MGMT: variants seen among roughly 807,000 people sequenced by gnomAD.
MGMT encodes the protein methylated-DNA--protein-cysteine methyltransferase.
Under a neutral mutation model 15.9 loss-of-function variants are expected in MGMT, and 14 were observed. The observed-to-expected ratio is 0.88, with a 90% CI of 0.58 to 1.37. The LOEUF (loss-of-function observed/expected upper bound fraction) is 1.37, where lower values mean the gene tolerates loss of function less well. MGMT is among the 40% of genes most tolerant of loss of function. The pLI, the probability that MGMT is intolerant of heterozygous loss-of-function variation, is 0.00. For synonymous variants in MGMT, 130 were observed against 118.2 expected, an observed-to-expected ratio of 1.10 and a Z score of -0.65; for missense variants, 282 against 268.1, an observed-to-expected ratio of 1.05 and a Z score of -0.36.
At chr10:129,527,443 G>A (rs796370760) in intron 1 of MGMT, among the ~76,000 whole-genome samples, 7 of 152,314 alleles carry the variant, frequency 4.6e-5, no homozygotes, top group African/African-American at 7.2e-5. Flanking sequence ...ATGGTACGCC[G>A]AGGGCCTCTC....
At chr10:129,471,878 A>G (rs549271443) in intron 1 of MGMT, among the ~76,000 whole-genome samples, 21 of 152,224 alleles carry the variant, frequency 1.4e-4, no homozygotes, top group Non-Finnish European at 2.5e-4. Context: ...TTTTCTGTGC[A>G]TATGGGTCTG....
intron 2 of MGMT, among the ~76,000 whole-genome samples, chr10:129,706,040 G>A (rs1419036844): frequency 6.6e-6 from 1 of 152,216 alleles, no homozygotes; most frequent in Non-Finnish European, 1.5e-5. Flanking sequence ...CTGCAGCCCT[G>A]CGTCAGGGCA....
intron 2 of MGMT, among the ~76,000 whole-genome samples, chr10:129,610,381 G>A (rs1034766464): frequency 5.9e-5 from 9 of 152,134 alleles, no homozygotes; most frequent in African/African-American, 2.2e-4. Flanking sequence ...CTGTGCTCCA[G>A]CCATGCTGCC....
At chr10:129,546,921 G>A (rs1206971951) in intron 2 of MGMT, among the ~76,000 whole-genome samples, 1 of 152,212 alleles carries the variant, frequency 6.6e-6, no homozygotes, top group Non-Finnish European at 1.5e-5. Context: ...CAAATAGAAC[G>A]TGGGGGTGGC....
chr10:129,524,065 A>C (rs959311609), intron 1 of MGMT, among the ~76,000 whole-genome samples: 2 of 152,206 alleles, frequency 1.3e-5, no homozygotes, highest in Admixed American at 6.5e-5. Context: ...ACTGGTACCT[A>C]CTGTGTCCTG....
intron 1 of MGMT, among the ~76,000 whole-genome samples, chr10:129,474,720 C>T (rs1271142885): frequency 6.6e-6 from 1 of 152,184 alleles, no homozygotes; most frequent in Admixed American, 6.5e-5. Flanking sequence ...ACCAAACCGT[C>T]AGGTGTTAGA....
chr10:129,559,086 G>A (rs502785), intron 2 of MGMT, among the ~76,000 whole-genome samples: 9 of 152,108 alleles, frequency 5.9e-5, no homozygotes, highest in African/African-American at 1.2e-4. Context: ...CTGTTTCTGC[G>A]TCGGAACGTG....
In MGMT at chr10:129,523,567, G is replaced by A. The variant is rs559485476; in HGVS notation, c.-12-12674G>A. Among the ~76,000 whole-genome samples the A allele has an allele frequency of 3.9e-5, 6 of 152,292 alleles. No homozygotes were observed. In the East Asian group the frequency reaches 5.8e-4, roughly 15 times the overall value. ...CTGCTGGGAGGGCCGGGCTGCCGAC[G>A]TGGACGGGTACAGCTCCCTGGTTCA... On this transcript the variant is annotated intron_variant, in intron 1 of 4. Transcript: ENST00000651593.
At chr10:129,549,544 T>TAA (rs1409454419) in intron 2 of MGMT, among the ~76,000 whole-genome samples, 1 of 152,254 alleles carries the variant, frequency 6.6e-6, no homozygotes, top group African/African-American at 2.4e-5. Context: ...TACAAACTCT[T>TAA]AAAGTCACTT....
chr10:129,576,621 G>A (rs1291194267), intron 2 of MGMT, among the ~76,000 whole-genome samples: 1 of 152,160 alleles, frequency 6.6e-6, no homozygotes, highest in Non-Finnish European at 1.5e-5. Flanking sequence ...TTTGAAAACT[G>A]GCACAAGACA....
At chr10:129,491,457 ACTT>A (rs771663017) in intron 1 of MGMT, among the ~76,000 whole-genome samples, 1 of 152,012 alleles carries the variant, frequency 6.6e-6, no homozygotes, top group Non-Finnish European at 1.5e-5. Flanking sequence ...GGTTTGCTGA[ACTT>A]CTTGAATTTC....
chr10:129,480,970 C>T (rs2119635383), intron 1 of MGMT, among the ~76,000 whole-genome samples: 1 of 152,340 alleles, frequency 6.6e-6, no homozygotes, highest in East Asian at 1.9e-4. Flanking sequence ...GGCAGAAGTG[C>T]TTTGCTGCGC....
intron 2 of MGMT, chr10:129,700,500 T>C (rs539158122): frequency 2.0e-5 from 3 of 152,168 alleles, no homozygotes; most frequent in African/African-American, 7.2e-5. Flanking sequence ...AAGTGCTGTT[T>C]CTGATGTTGA....
chr10:129,534,942 G>A (rs1156528353), intron 1 of MGMT, among the ~76,000 whole-genome samples: 2 of 152,162 alleles, frequency 1.3e-5, no homozygotes, highest in East Asian at 3.9e-4. Context: ...TGTCACAACT[G>A]CTCACCTCTG....
chr10:129,621,488 G>T (rs1319631084), intron 2 of MGMT, among the ~76,000 whole-genome samples: 1 of 152,204 alleles, frequency 6.6e-6, no homozygotes, highest in African/African-American at 2.4e-5. Flanking sequence ...GCGCAGGGGG[G>T]TTTAATGCCC....
At chr10:129,606,496 G>C (rs755442187) in intron 2 of MGMT, among the ~76,000 whole-genome samples, 1 of 152,210 alleles carries the variant, frequency 6.6e-6, no homozygotes, top group African/African-American at 2.4e-5. Flanking sequence ...TGTGGGCACC[G>C]AGGGCCTCCG....
chr10:129,627,822 T>C (rs1293066075), intron 2 of MGMT, among the ~76,000 whole-genome samples: 3 of 152,330 alleles, frequency 2.0e-5, no homozygotes, highest in African/African-American at 4.8e-5. Context: ...AATACAAAAA[T>C]AATTTTGTAA....
chr10:129,652,779 C>A (rs1342063886), intron 2 of MGMT, among the ~76,000 whole-genome samples: 4 of 152,252 alleles, frequency 2.6e-5, no homozygotes, highest in African/African-American at 4.8e-5. Context: ...GTTGGATTCC[C>A]TGCCATGCAG....
At chr10:129,473,320 GTGTCT>G (rs1845253297) in intron 1 of MGMT, among the ~76,000 whole-genome samples, 1 of 152,316 alleles carries the variant, frequency 6.6e-6, no homozygotes, top group African/African-American at 2.4e-5. Context: ...TTTATTTGGG[GTGTCT>G]CCTTAATCTC....
Sources: allele counts gnomAD v4.1 joint callset (sites outside exome capture counted in the v4.1 genomes callset), GRCh38; gene constraint gnomAD v4.1.1; transcripts MANE v1.5; gene names NCBI Gene and HGNC (gene_info 2026-07-23, HGNC 2026-07-21).